The following ATP8B4 variants were observed in gnomAD, a reference collection of about 807,000 sequenced individuals.
The protein encoded by ATP8B4 is probable phospholipid-transporting ATPase IM.
A neutral mutation model predicts 145.6 loss-of-function variants in ATP8B4; 133 were observed. That is an observed-to-expected ratio of 0.91 (90% CI 0.79 to 1.05). The LOEUF is 1.05. ATP8B4 is among the 50% of genes least tolerant of loss of function. The pLI, the probability that ATP8B4 is intolerant of heterozygous loss-of-function variation, is 0.00. For missense variants in ATP8B4, 1,458 were observed against 1,425.2 expected, an observed-to-expected ratio of 1.02 and a Z score of -0.37; for synonymous variants, 507 against 492.9, an observed-to-expected ratio of 1.03 and a Z score of -0.38.
rs1371310795 is a variant in ATP8B4, at chr15:49,917,044, C to A, written c.2036-5G>T. The A allele has an allele frequency of 9.9e-6, 16 of 1,613,346 alleles. No individual in the cohort carries two copies. Among genetic ancestry groups the A allele is most frequent in the Non-Finnish European group, 1.4e-5 (16 of 1,179,394 alleles). ...AACCGATGTTGATGGCAGTTTCTAACACAAAATAAAGCCCAATTCAGTTAA... is the reference window on the plus strand; with the variant it reads ...AACCGATGTTGATGGCAGTTTCTAAAACAAAATAAAGCCCAATTCAGTTAA... On this transcript the variant is annotated splice_region_variant and splice_polypyrimidine_tract_variant and intron_variant, in intron 19 of 27. Coordinates refer to ENST00000284509, the MANE Select transcript of ATP8B4 (RefSeq NM_024837.4).
Position 50,076,490 on chromosome 15 carries a change from CA to C in ATP8B4, c.29-2306del, listed in dbSNP as rs141820569. 8.3e-5 allele frequency among the ~76,000 whole-genome samples: 12 copies of C among 144,268 alleles called. No individual in the cohort carries two copies. The East Asian group carries it at 1.2e-3, about 14-fold the overall frequency. 94.6% of individuals were successfully genotyped at this position (144,268 alleles called of 152,430 possible). A position where few individuals can be genotyped will look rare whatever the true frequency, so the allele number is the denominator to read the frequency against. ...CTGGCGACAGAGCAAGACTCCATCT[CA>C]AAAAAAAAAGAAAAAAGAAAAAAAA... On this transcript the variant is annotated intron_variant, in intron 2 of 27. Transcript: ENST00000284509.
chr15:49,996,430 G>C (rs143466004), intron 9 of ATP8B4, among the ~76,000 whole-genome samples: 10 of 152,104 alleles, frequency 6.6e-5, no homozygotes, highest in African/African-American at 2.4e-4. Context: ...GGGTATTATG[G>C]GATTGAAGTA....
At chr15:50,109,240 C>T (rs1286636380) in intron 1 of ATP8B4, among the ~76,000 whole-genome samples, 1 of 152,176 alleles carries the variant, frequency 6.6e-6, no homozygotes, top group East Asian at 1.9e-4. Context: ...GGAGAGGAGG[C>T]ACTAGAGTTA....
chr15:50,036,117 C>T (rs536475769), intron 6 of ATP8B4, among the ~76,000 whole-genome samples: 1 of 152,168 alleles, frequency 6.6e-6, no homozygotes, highest in Non-Finnish European at 1.5e-5. Flanking sequence ...CTATCTTATA[C>T]CTGCTTCCCT....
intron 15 of ATP8B4, among the ~76,000 whole-genome samples, chr15:49,931,531 A>G (rs765698973): frequency 3.3e-5 from 5 of 151,986 alleles, no homozygotes; most frequent in Non-Finnish European, 7.4e-5. Context: ...TTGTCATCTT[A>G]TAGGAAAACA....
intron 1 of ATP8B4, among the ~76,000 whole-genome samples, chr15:50,168,380 A>T (rs1567416251): frequency 6.6e-6 from 1 of 152,106 alleles, no homozygotes; most frequent in Non-Finnish European, 1.5e-5. Flanking sequence ...GAAGTGGGAA[A>T]GGTAGACCCT....
chr15:50,068,886 A>T (rs2053554617), intron 3 of ATP8B4, among the ~76,000 whole-genome samples: 1 of 152,180 alleles, frequency 6.6e-6, no homozygotes, highest in South Asian at 2.1e-4. Flanking sequence ...TTAAGCTAAC[A>T]CTTTTTCTGA....
Position 49,894,011 on chromosome 15 carries a change from G to A in ATP8B4, c.2697+3281C>T, listed in dbSNP as rs1422333111. On this transcript the variant is annotated intron_variant, in intron 23 of 27. Transcript: ENST00000284509. ...ACAAAGAAGCTGACCCCACAGCATTGATGCCACTACATGGGTACTGTCACT... is the reference window on the plus strand; with the variant it reads ...ACAAAGAAGCTGACCCCACAGCATTAATGCCACTACATGGGTACTGTCACT... 2.6e-5 allele frequency among the ~76,000 whole-genome samples: 4 copies of A among 152,178 alleles called. No homozygotes were observed. In the East Asian group the frequency reaches 7.7e-4, roughly 29 times the overall value.
At chr15:50,085,802 C>A (rs530226246) in intron 2 of ATP8B4, among the ~76,000 whole-genome samples, 1 of 137,076 alleles carries the variant, frequency 7.3e-6, no homozygotes, top group African/African-American at 2.8e-5. Context: ...CATTTTATTA[C>A]GTATTTCATT....
At chr15:49,965,983 G>A (rs903696411) in intron 13 of ATP8B4, among the ~76,000 whole-genome samples, 1 of 152,130 alleles carries the variant, frequency 6.6e-6, no homozygotes, top group South Asian at 2.1e-4. Context: ...GCAGAAATAG[G>A]GTGGGGTGTC....
At chr15:50,028,264 T>C (rs1382575707) in intron 6 of ATP8B4, among the ~76,000 whole-genome samples, 7 of 152,230 alleles carry the variant, frequency 4.6e-5, no homozygotes, top group Non-Finnish European at 7.3e-5. Context: ...ATCTTTTCCT[T>C]TTCCTTCCAG....
At chr15:49,931,917 T>C (rs1300829211) in intron 15 of ATP8B4, among the ~76,000 whole-genome samples, 4 of 151,766 alleles carry the variant, frequency 2.6e-5, no homozygotes, top group Non-Finnish European at 4.4e-5. Flanking sequence ...TTACCTGATA[T>C]TATGTGTAGT....
At chr15:50,121,673 A>C (rs993288847), upstream of ATP8B4, among the ~76,000 whole-genome samples, 4 of 152,024 alleles carry the variant, frequency 2.6e-5, no homozygotes, top group African/African-American at 9.7e-5. Flanking sequence ...GAAAAAAAAA[A>C]CCTTTTATTC....
chr15:50,088,050 C>A (rs2055335011), intron 2 of ATP8B4, among the ~76,000 whole-genome samples: 1 of 151,746 alleles, frequency 6.6e-6, no homozygotes, highest in Non-Finnish European at 1.5e-5. Context: ...TTTTATTATA[C>A]CTGATTTTGT....
In ATP8B4 at chr15:49,931,219, G is replaced by T; in HGVS notation, c.1542C>A (p.Thr514=). 5 of 1,612,654 alleles carry T rather than the reference G, an allele frequency of 3.1e-6. No homozygotes were observed. The highest frequency in any genetic ancestry group is 4.2e-6 in the Non-Finnish European group (5 of 1,179,188). The change falls in exon 16 of 28, where the codon ACC becomes ACA. Residue 514 remains threonine, a synonymous_variant. Coordinates refer to ENST00000284509, the MANE Select transcript of ATP8B4 (RefSeq NM_024837.4). ...ATTCTTCTATTGTTATGGTCTCTGG[G>T]GTCCGGGATTTAAAAATGAACCCAA... ...RNFGFIFKSR[T]PETITIEELG...
At chr15:50,176,752 C>T (rs2044769453) in intron 1 of ATP8B4, among the ~76,000 whole-genome samples, 2 of 152,026 alleles carry the variant, frequency 1.3e-5, no homozygotes, top group Admixed American at 6.5e-5. Context: ...AATTCAACAC[C>T]TAATCAAAGA....
At chr15:50,155,698 C>T (rs2044401806) in intron 1 of ATP8B4, among the ~76,000 whole-genome samples, 1 of 152,084 alleles carries the variant, frequency 6.6e-6, no homozygotes, top group Non-Finnish European at 1.5e-5. Context: ...AATGTATGTA[C>T]ATATGCATAA....
At chr15:50,061,048 G>A (rs1011923036) in intron 3 of ATP8B4, among the ~76,000 whole-genome samples, 2 of 152,138 alleles carry the variant, frequency 1.3e-5, no homozygotes, top group African/African-American at 4.8e-5. Flanking sequence ...CCAGTAGGTC[G>A]TGGAGTTGAA....
chr15:50,113,508 A>T (rs7174127), intron 1 of ATP8B4, among the ~76,000 whole-genome samples: 4,536 of 149,172 alleles, frequency 0.03, 76 homozygotes, highest in South Asian at 0.066. Flanking sequence ...CAATCTGTGT[A>T]TGTGTGTATG....
Sources: allele counts gnomAD v4.1 joint callset (sites outside exome capture counted in the v4.1 genomes callset), GRCh38; gene constraint gnomAD v4.1.1; transcripts MANE v1.5; gene names NCBI Gene and HGNC (gene_info 2026-07-23, HGNC 2026-07-21).